CNBD1: variants seen among roughly 807,000 people sequenced by gnomAD.
CNBD1 encodes cyclic nucleotide-binding domain-containing protein 1.
A neutral mutation model predicts 54.4 loss-of-function variants in CNBD1; 71 were observed. That is an observed-to-expected ratio of 1.30 (90% CI 1.08 to 1.59). The LOEUF (loss-of-function observed/expected upper bound fraction) is 1.59. Among genes scored for constraint, CNBD1 ranks in the 40% most tolerant of loss-of-function variants. The probability of loss-of-function intolerance (pLI) is 0.00; values close to 1 mark genes in which losing one functional copy is unlikely to be tolerated. For synonymous variants in CNBD1, 182 were observed against 170.7 expected (o/e 1.07, Z -0.51); for missense variants, 659 against 518.0 (o/e 1.27, Z -2.64).
At chr8:87,361,499 C>T (rs1586046203) in intron 10 of CNBD1, among the ~76,000 whole-genome samples, 1 of 151,706 alleles carries the variant, frequency 6.6e-6, no homozygotes, top group East Asian at 1.9e-4. Context: ...AGCAATTTCA[C>T]TATAAATTAC....
At chr8:87,338,387 G>C (rs1424159291) in intron 8 of CNBD1, among the ~76,000 whole-genome samples, 2 of 152,042 alleles carry the variant, frequency 1.3e-5, no homozygotes, top group African/African-American at 2.4e-5. Context: ...TCTCTCATTT[G>C]TTGATAAATT....
chr8:87,331,439 C>A (rs1809829263), intron 8 of CNBD1, among the ~76,000 whole-genome samples: 1 of 152,156 alleles, frequency 6.6e-6, no homozygotes, highest in African/African-American at 2.4e-5. Context: ...ATACATACCG[C>A]ATTTTCTTTA....
At chr8:87,168,109 A>C (rs928160505) in intron 4 of CNBD1, among the ~76,000 whole-genome samples, 5 of 152,056 alleles carry the variant, frequency 3.3e-5, no homozygotes, top group African/African-American at 1.2e-4. Context: ...AAATGTTGTT[A>C]TGCAGTGCAT....
intron 4 of CNBD1, among the ~76,000 whole-genome samples, chr8:87,089,914 C>T (rs1283476381): frequency 2.6e-5 from 4 of 152,028 alleles, no homozygotes; most frequent in Non-Finnish European, 4.4e-5. Context: ...TTCAGATACC[C>T]AGCCTTAGCT....
intron 4 of CNBD1, among the ~76,000 whole-genome samples, chr8:87,128,733 A>G (rs1812051900): frequency 6.6e-6 from 1 of 151,906 alleles, no homozygotes; most frequent in South Asian, 2.1e-4. Flanking sequence ...ACCTGGTCAC[A>G]GTATATTGTC....
chr8:87,155,358 G>A (rs753037439), intron 4 of CNBD1, among the ~76,000 whole-genome samples: 36 of 152,024 alleles, frequency 2.4e-4, no homozygotes, highest in Non-Finnish European at 4.1e-4. Context: ...TGCATTTGAC[G>A]GCTTAGATAG....
downstream of CNBD1, among the ~76,000 whole-genome samples, chr8:87,385,589 G>A (rs985160159): frequency 6.6e-5 from 10 of 152,108 alleles, no homozygotes; most frequent in African/African-American, 2.2e-4. Flanking sequence ...CACCGTTGCC[G>A]AGGCTTGAGT....
At chr8:87,026,079 G>T (rs1191242964) in intron 4 of CNBD1, among the ~76,000 whole-genome samples, 1 of 152,082 alleles carries the variant, frequency 6.6e-6, no homozygotes, top group Non-Finnish European at 1.5e-5. Context: ...TCTATTTAAG[G>T]TCAAATGTTT....
At chr8:86,896,417 C>G (rs1206576574) in intron 2 of CNBD1, among the ~76,000 whole-genome samples, 4 of 151,994 alleles carry the variant, frequency 2.6e-5, no homozygotes, top group African/African-American at 9.7e-5. Context: ...ATTAATTTTT[C>G]TGATCCAGGG....
chr8:87,152,167 C>T (rs1447104900), intron 4 of CNBD1, among the ~76,000 whole-genome samples: 1 of 151,634 alleles, frequency 6.6e-6, no homozygotes, highest in Non-Finnish European at 1.5e-5. Context: ...GTAAGTTACA[C>T]CCAGAGTGGA....
chr8:86,959,369 G>C (rs1171496162), intron 4 of CNBD1, among the ~76,000 whole-genome samples: 1 of 152,120 alleles, frequency 6.6e-6, no homozygotes, highest in Non-Finnish European at 1.5e-5. Context: ...GGCGTTCTCT[G>C]TATTTCCTGA....
At chr8:87,012,014 T>C (rs1809232635) in intron 4 of CNBD1, among the ~76,000 whole-genome samples, 1 of 152,186 alleles carries the variant, frequency 6.6e-6, no homozygotes, top group Non-Finnish European at 1.5e-5. Flanking sequence ...AAAATCCTAC[T>C]ATAAATAAAA....
chr8:86,943,109 G>C (rs147028366), intron 4 of CNBD1, among the ~76,000 whole-genome samples: 1 of 151,382 alleles, frequency 6.6e-6, no homozygotes, highest in Non-Finnish European at 1.5e-5. Context: ...CAGGCTGGGC[G>C]CAGTGGCTCA....
chr8:87,290,179 G>A (rs1270434966), intron 8 of CNBD1, among the ~76,000 whole-genome samples: 1 of 151,334 alleles, frequency 6.6e-6, no homozygotes. Flanking sequence ...TATACATATT[G>A]CATCTACATA....
chr8:87,335,347 T>C (rs1461968424), intron 8 of CNBD1, among the ~76,000 whole-genome samples: 1 of 152,160 alleles, frequency 6.6e-6, no homozygotes, highest in Non-Finnish European at 1.5e-5. Context: ...CTAAGTCTCT[T>C]TGTAGGTCTC....
chr8:87,209,593 A>T lies in CNBD1; in HGVS notation c.577+3455A>T, dbSNP rs770157921. The stretch of plus-strand genomic sequence containing the variant: ...AAAAATTAATATTGTTAAAATGCTC[A>T]TACTAGTCAAATTGATCTATAGATT... On this transcript the variant is annotated intron_variant, in intron 5 of 10. Coordinates refer to ENST00000518476, the MANE Select transcript of CNBD1 (RefSeq NM_173538.3). Among the ~76,000 whole-genome samples the T allele has an allele frequency of 9.3e-4, 141 of 152,140 alleles. 1 individual carries two copies. The highest frequency in any genetic ancestry group is 2.5e-4 in the Non-Finnish European group (17 of 68,020).
intron 8 of CNBD1, among the ~76,000 whole-genome samples, chr8:87,327,321 G>T (rs375450897): frequency 2.7e-5 from 4 of 149,992 alleles, no homozygotes; most frequent in East Asian, 2.0e-4. Context: ...TTGAGCTGTG[G>T]TGGGCTCCAC....
chr8:87,323,365 G>A (rs1206046543), intron 8 of CNBD1, among the ~76,000 whole-genome samples: 11 of 138,212 alleles, frequency 8.0e-5, no homozygotes, highest in Middle Eastern at 3.8e-3. Context: ...GCTTGATGGG[G>A]ATGGCATTGA....
chr8:87,418,994 T>G (rs543035879), intron 2 of CNBD1, among the ~76,000 whole-genome samples: 1 of 151,872 alleles, frequency 6.6e-6, no homozygotes. Context: ...GCACAAAAAC[T>G]TTTACATGAA....
Sources: gnomAD v4.1 joint callset for allele counts (sites outside exome capture counted in the v4.1 genomes callset) on GRCh38, gnomAD v4.1.1 for gene constraint, MANE v1.5 for transcripts, NCBI Gene and HGNC (gene_info 2026-07-23, HGNC 2026-07-21) for gene names.